Variants in HPSE2 observed in about 807,000 individuals in gnomAD.
HPSE2 encodes the protein heparanase 2 (inactive).
In HPSE2, 38 loss-of-function variants were observed where a neutral mutation model predicts 60.5. The observed-to-expected ratio is 0.63, with a 90% CI of 0.48 to 0.82. The LOEUF (loss-of-function observed/expected upper bound fraction) is 0.82. Among genes scored for constraint, HPSE2 ranks in the 40% least tolerant of loss-of-function variants. The pLI, the probability that HPSE2 is intolerant of heterozygous loss-of-function variation, is 0.00. For synonymous variants in HPSE2, 295 were observed against 293.2 expected (o/e 1.01, Z -0.06); for missense variants, 713 against 740.4 (o/e 0.96, Z 0.43).
chr10:99,122,788 A>G (rs1845009082), intron 3 of HPSE2, among the ~76,000 whole-genome samples: 1 of 152,122 alleles, frequency 6.6e-6, no homozygotes, highest in Admixed American at 6.5e-5. Flanking sequence ...ATTTTCTTGA[A>G]CTGGAGAAAA....
intron 3 of HPSE2, among the ~76,000 whole-genome samples, chr10:99,029,469 G>A (rs935247760): frequency 8.5e-5 from 13 of 152,068 alleles, no homozygotes; most frequent in African/African-American, 2.9e-4. Flanking sequence ...GTCTGGCTGC[G>A]CTGTTATTTA....
the HPSE2 span, among the ~76,000 whole-genome samples, chr10:99,265,422 T>C: frequency 5.9e-5 from 9 of 152,170 alleles, no homozygotes; most frequent in South Asian, 2.1e-4. Flanking sequence ...ATGACACACA[T>C]TGGGGCCTGT....
At chr10:98,834,688 T>TAGACCCTA (rs1158090013) in intron 3 of HPSE2, among the ~76,000 whole-genome samples, 7 of 152,110 alleles carry the variant, frequency 4.6e-5, no homozygotes, top group Non-Finnish European at 5.9e-5. Flanking sequence ...AGGAGATCTG[T>TAGACCCTA]GAGGTCCTTA....
intron 2 of HPSE2, among the ~76,000 whole-genome samples, chr10:99,222,630 C>T (rs1849351089): frequency 6.6e-6 from 1 of 152,064 alleles, no homozygotes; most frequent in Non-Finnish European, 1.5e-5. Flanking sequence ...CCTGAAATTT[C>T]CCTTACATCA....
At chr10:98,522,567 C>T (rs1337176787) in intron 9 of HPSE2, among the ~76,000 whole-genome samples, 2 of 152,110 alleles carry the variant, frequency 1.3e-5, no homozygotes, top group Admixed American at 6.5e-5. Context: ...CTCCGCTTCC[C>T]GGATTCAAGA....
intron 9 of HPSE2, among the ~76,000 whole-genome samples, chr10:98,519,524 T>G (rs1331496893): frequency 1.3e-5 from 2 of 152,254 alleles, no homozygotes; most frequent in South Asian, 2.1e-4. Flanking sequence ...AAAGTGCATG[T>G]GCTGTGCTTA....
At chr10:99,273,232 A>G in the HPSE2 span, among the ~76,000 whole-genome samples, 2 of 152,216 alleles carry the variant, frequency 1.3e-5, no homozygotes, top group Admixed American at 6.5e-5. Context: ...ATGCAAAGGC[A>G]TAAGAATGAT....
intron 3 of HPSE2, among the ~76,000 whole-genome samples, chr10:98,790,230 T>G (rs113040757): frequency 4.6e-5 from 7 of 152,360 alleles, no homozygotes; most frequent in African/African-American, 1.4e-4. Flanking sequence ...CATTCCTTGA[T>G]AGACAAATAA....
chr10:98,980,164 G>A (rs1172621308), intron 3 of HPSE2, among the ~76,000 whole-genome samples: 1 of 152,070 alleles, frequency 6.6e-6, no homozygotes, highest in Non-Finnish European at 1.5e-5. Context: ...AGTGCCCTTG[G>A]ACAACTCTTA....
Position 98,933,642 on chromosome 10 carries a change from T to C in HPSE2, c.611-189586A>G. 1.4e-5 allele frequency among the ~76,000 whole-genome samples: 2 copies of C among 144,028 alleles called. 1 individual carries two copies. Among genetic ancestry groups the C allele is most frequent in the Non-Finnish European group, 3.0e-5 (2 of 67,234 alleles). The allele number at this position is 144,028 out of a possible 152,430, so 94.5% of individuals were successfully genotyped here. On this transcript the variant is annotated intron_variant, in intron 3 of 11. Transcript: ENST00000370552. ...TTTTATGAATCTGGGGGCTCCTGTATTGGGTGCATATATATTTAGGGTAGT... is the reference window on the plus strand; with the variant it reads ...TTTTATGAATCTGGGGGCTCCTGTACTGGGTGCATATATATTTAGGGTAGT...
At chr10:98,645,396 G>C (rs1946741228) in intron 6 of HPSE2, among the ~76,000 whole-genome samples, 1 of 152,196 alleles carries the variant, frequency 6.6e-6, no homozygotes, top group Admixed American at 6.5e-5. Flanking sequence ...AATTAACAGA[G>C]ATGTCAGAGA....
intron 3 of HPSE2, among the ~76,000 whole-genome samples, chr10:99,092,708 T>C (rs1246239037): frequency 1.3e-5 from 2 of 152,172 alleles, no homozygotes; most frequent in South Asian, 2.1e-4. Context: ...TCCCTTAGCC[T>C]TTCTGAGCCA....
chr10:98,466,203 G>A (rs1940522776), intron 11 of HPSE2, among the ~76,000 whole-genome samples: 1 of 152,234 alleles, frequency 6.6e-6, no homozygotes, highest in Non-Finnish European at 1.5e-5. Context: ...TCTGGCAAGA[G>A]GGGATCTTTA....
intron 3 of HPSE2, among the ~76,000 whole-genome samples, chr10:99,030,958 G>A (rs973832876): frequency 1.3e-5 from 2 of 152,180 alleles, no homozygotes; most frequent in Admixed American, 6.5e-5. Flanking sequence ...GACAGAGAGA[G>A]TAGAAAGATG....
intron 2 of HPSE2, among the ~76,000 whole-genome samples, chr10:99,148,089 T>C (rs996757904): frequency 2.0e-5 from 3 of 152,198 alleles, no homozygotes; most frequent in African/African-American, 7.2e-5. Flanking sequence ...AAATGATTAA[T>C]GCAATCTTAG....
At chr10:98,809,931 A>G (rs1023275314) in intron 3 of HPSE2, among the ~76,000 whole-genome samples, 1 of 152,106 alleles carries the variant, frequency 6.6e-6, no homozygotes. Context: ...GATCTTTCCC[A>G]TTACGGGCAA....
chr10:99,179,761 CTT>C (rs200862911), intron 2 of HPSE2, among the ~76,000 whole-genome samples: 74,007 of 150,064 alleles, frequency 0.49, 21,300 homozygotes, highest in Non-Finnish European at 0.64. Flanking sequence ...AAAAAAAAAA[CTT>C]TAAACTTCAT....
chr10:98,478,203 ATCT>A (rs1436277127), intron 11 of HPSE2, among the ~76,000 whole-genome samples: 1 of 152,200 alleles, frequency 6.6e-6, no homozygotes, highest in Non-Finnish European at 1.5e-5. Context: ...GAATGGGGCC[ATCT>A]TCTTCTGAGA....
At chr10:98,872,958 C>T (rs1589985432) in intron 3 of HPSE2, among the ~76,000 whole-genome samples, 1 of 151,942 alleles carries the variant, frequency 6.6e-6, no homozygotes, top group South Asian at 2.1e-4. Context: ...ATGTGGCTTC[C>T]GTTGAAGGGA....
Sources: allele counts gnomAD v4.1 joint callset (sites outside exome capture counted in the v4.1 genomes callset), GRCh38; gene constraint gnomAD v4.1.1; transcripts MANE v1.5; gene names NCBI Gene and HGNC (gene_info 2026-07-23, HGNC 2026-07-21).